FGF19: variants seen among roughly 807,000 people sequenced by gnomAD.
FGF19 encodes the protein fibroblast growth factor 19, also known as FGF-19.
Under a neutral mutation model 8.9 loss-of-function variants are expected in FGF19, and 5 were observed. The ratio of observed to expected loss-of-function variants is 0.56; its 90% CI spans 0.29 to 1.18. The LOEUF is 1.18. Ranked by LOEUF, FGF19 falls within the 50% of genes most tolerant of loss-of-function variation. The pLI is 0.08. For missense variants in FGF19, 237 were observed against 293.9 expected (o/e 0.81, Z 1.42); for synonymous variants, 124 against 128.0 (o/e 0.97, Z 0.21).
rs1297494219 is a variant in FGF19, at chr11:69,699,084, T to C, written c.*178A>G. 10 of 595,578 alleles carry C rather than the reference T, an allele frequency of 1.7e-5. No individual in the cohort carries two copies. The highest frequency in any genetic ancestry group is 3.0e-5 in the Non-Finnish European group (10 of 336,808). The allele number at this position is 595,578 out of a possible 1,614,324, so 36.9% of individuals were successfully genotyped here. A position where few individuals can be genotyped will look rare whatever the true frequency, so the allele number is the denominator to read the frequency against. ...GCTTACAATGTTATGATCAGACAAGTCTATTGGCTAGAAACTGGCACTGCC... is the reference window on the plus strand; with the variant it reads ...GCTTACAATGTTATGATCAGACAAGCCTATTGGCTAGAAACTGGCACTGCC... On this transcript the variant is annotated 3_prime_UTR_variant, in exon 3 of 3. Transcript: ENST00000294312.
At chr11:69,700,390 G>A (rs866912882) in intron 2 of FGF19, among the ~76,000 whole-genome samples, 2 of 151,648 alleles carry the variant, frequency 1.3e-5, no homozygotes, top group East Asian at 1.9e-4. Flanking sequence ...TCACTTTTTC[G>A]AGAGCCTTGT....
chr11:69,701,493 C>T (rs909871687), intron 2 of FGF19, among the ~76,000 whole-genome samples: 3 of 149,486 alleles, frequency 2.0e-5, no homozygotes, highest in African/African-American at 7.4e-5. Flanking sequence ...ATCCCAGCTA[C>T]TTGGGAGGCT....
rs547302229 is a variant in FGF19, at chr11:69,702,183, C to G, written c.336+1078G>C. Among the ~76,000 whole-genome samples, 279 of 152,190 alleles carry G rather than the reference C, an allele frequency of 1.8e-3. 1 individual carries two copies. The highest frequency in any genetic ancestry group is 6.3e-3 in the African/African-American group (260 of 41,522). ...AGTCAGCGTCCAGCGTGCCGACCAC[C>G]CCCTTTCTCTGCAGTCCTCTCACGC... is the stretch of plus-strand genomic sequence containing the variant. On this transcript the variant is annotated intron_variant, in intron 2 of 2. Transcript: ENST00000294312. This position sits in a 1 kb window ranked among gnomAD's most constrained non-coding sequence, Gnocchi z 4.6.
At position 69,699,021 on chromosome 11, in the gene FGF19, C is replaced by A; in HGVS notation, c.*241G>T. ...AGCTTGTCCAGCAACCTCGAGGGAG[C>A]AGAATGGGGGCCCAGGCAGCAGCTG... On this transcript the variant is annotated 3_prime_UTR_variant, in exon 3 of 3. Transcript: ENST00000294312. 2.0e-6 allele frequency: 1 copy of A among 509,912 alleles called. No homozygotes were observed. 31.6% of individuals were successfully genotyped at this position (509,912 alleles called of 1,614,324 possible). A position where few individuals can be genotyped will look rare whatever the true frequency, so the allele number is the denominator to read the frequency against.
Position 69,698,259 on chromosome 11 carries a change from T to C in FGF19, c.*1003A>G, listed in dbSNP as rs2119902318. 1 of 168,654 alleles carries C rather than the reference T, an allele frequency of 5.9e-6. No homozygotes were observed. Among genetic ancestry groups the C allele is most frequent in the South Asian group, 2.0e-4 (1 of 4,936 alleles). The allele number at this position is 168,654 out of a possible 1,614,324, so 10.4% of individuals were successfully genotyped here. On this transcript the variant is annotated 3_prime_UTR_variant, in exon 3 of 3. Coordinates refer to ENST00000294312, the MANE Select transcript of FGF19 (RefSeq NM_005117.3). ...TTGATACAAACAAACTCCATTTTAA[T>C]ATACAAAACAAACCTCACTTACATA...
chr11:69,699,629 G>C, intron 2 of FGF19, 53 bp from the exon 3 acceptor site: 1 of 1,434,632 alleles, frequency 7.0e-7, no homozygotes, highest in Non-Finnish European at 9.4e-7. Context: ...GGGAACACGG[G>C]TCCACATGGA....
chr11:69,703,888 G>A lies in FGF19; in HGVS notation c.-12C>T, dbSNP rs1854809244. On this transcript the variant is annotated 5_prime_UTR_variant, in exon 1 of 3. Transcript: ENST00000294312. The surrounding 1 kb of genome is among the most constrained non-coding windows in gnomAD (Gnocchi z 6.8). ...CACCCGCTCCGCATGGCACCTCCCT[G>A]GGGCTCTCGGCGCAGCTCCGGCGAT... The A allele has an allele frequency of 6.4e-6, 8 of 1,247,978 alleles. No individual in the cohort carries two copies. Among genetic ancestry groups the A allele is most frequent in the Admixed American group, 4.2e-5 (1 of 23,976 alleles). The allele number at this position is 1,247,978 out of a possible 1,614,324, so 77.3% of individuals were successfully genotyped here.
Position 69,703,404 on chromosome 11 carries a change from T to G in FGF19, c.233-40A>C. The G allele has an allele frequency of 6.7e-7, 1 of 1,495,228 alleles. No individual in the cohort carries two copies. Among genetic ancestry groups the G allele is most frequent in the Non-Finnish European group, 9.2e-7 (1 of 1,092,452 alleles). 92.6% of individuals were successfully genotyped at this position (1,495,228 alleles called of 1,614,324 possible). ...AGCGAGAAGCTGCAGCAAGGACCGC[T>G]GGGCCCGCACCACGTGGGTGCGGTC... On this transcript the variant is annotated intron_variant, in intron 1 of 2. Transcript: ENST00000294312. The surrounding 1 kb of genome is among the most constrained non-coding windows in gnomAD (Gnocchi z 6.8).
In FGF19 at chr11:69,699,380, T is replaced by C; in HGVS notation, c.533A>G (p.Asp178Gly). 2 of 1,614,004 alleles carry C rather than the reference T, an allele frequency of 1.2e-6. No homozygotes were observed. The highest frequency in any genetic ancestry group is 4.5e-5 in the East Asian group (2 of 44,864). ...MLPMVPEEPE[D>G]LRGHLESDMF... ...GTCAGATTCCAAGTGGCCCCTGAGG[T>C]CCTCAGGCTCCTCTGGGACCATGGG... Residue 178 changes from aspartate (D) to glycine (G), a missense_variant, in exon 3 of 3, where the codon GAC becomes GGC. Physicochemically the swap from Asp to Gly is moderately conservative, Grantham distance 94 (BLOSUM62 -1). Coordinates refer to ENST00000294312, the MANE Select transcript of FGF19 (RefSeq NM_005117.3).
At position 69,703,309 on chromosome 11, in the gene FGF19, G is replaced by A. The variant is rs753563763; in HGVS notation, c.288C>T (p.His96=). 11 of 1,610,766 alleles carry A rather than the reference G, an allele frequency of 6.8e-6. No individual in the cohort carries two copies. In the Admixed American group the frequency reaches 1.8e-4, roughly 27 times the overall value. The change falls in exon 2 of 3, where the codon CAC becomes CAT. Residue 96 remains histidine, a synonymous_variant. Transcript: ENST00000294312. This position sits in a 1 kb window ranked among gnomAD's most constrained non-coding sequence, Gnocchi z 6.8. ...ALRTVAIKGV[H]SVRYLCMGAD... The stretch of plus-strand genomic sequence containing the variant: ...CGCCCATGCAGAGGTACCGCACGCT[G>A]TGCACGCCCTTGATGGCCACGGTCC...
chr11:69,699,612 G>A (rs1480908262), intron 2 of FGF19, 36 bp from the exon 3 acceptor site: 1 of 1,536,174 alleles, frequency 6.5e-7, no homozygotes, highest in Non-Finnish European at 8.8e-7. Context: ...GCAATCCACA[G>A]TGGACAGGGA....
chr11:69,701,506 G>A (rs1854770950), intron 2 of FGF19, among the ~76,000 whole-genome samples: 1 of 151,720 alleles, frequency 6.6e-6, no homozygotes, highest in South Asian at 2.1e-4. Context: ...GGGAGGCTGA[G>A]GCAGGAGAAT....
Position 69,702,190 on chromosome 11 carries a change from C to G in FGF19, c.336+1071G>C, listed in dbSNP as rs957317495. ...GTCCAGCGTGCCGACCACCCCCTTT[C>G]TCTGCAGTCCTCTCACGCAGGACTC... is the stretch of plus-strand genomic sequence containing the variant. On this transcript the variant is annotated intron_variant, in intron 2 of 2. Coordinates refer to ENST00000294312, the MANE Select transcript of FGF19 (RefSeq NM_005117.3). The surrounding 1 kb of genome is among the most constrained non-coding windows in gnomAD (Gnocchi z 4.6). Among the ~76,000 whole-genome samples, 1 of 152,130 alleles carries G rather than the reference C, an allele frequency of 6.6e-6. No individual in the cohort carries two copies. Among genetic ancestry groups the G allele is most frequent in the Non-Finnish European group, 1.5e-5 (1 of 68,024 alleles).
In FGF19 at chr11:69,699,190, T is replaced by C; in HGVS notation, c.*72A>G. On this transcript the variant is annotated 3_prime_UTR_variant, in exon 3 of 3. Coordinates refer to ENST00000294312, the MANE Select transcript of FGF19 (RefSeq NM_005117.3). ...GAACGTGGACTCAGGACTGTTCTTG[T>C]AGAAGCACGTCCCCCACGCTGCAGG... The C allele has an allele frequency of 9.1e-7, 1 of 1,103,610 alleles. No individual in the cohort carries two copies. The highest frequency in any genetic ancestry group is 2.5e-5 in the East Asian group (1 of 40,640). The allele number at this position is 1,103,610 out of a possible 1,614,324, so 68.4% of individuals were successfully genotyped here. A position where few individuals can be genotyped will look rare whatever the true frequency, so the allele number is the denominator to read the frequency against.
chr11:69,699,828 G>A (rs1274359934), intron 2 of FGF19, among the ~76,000 whole-genome samples: 2 of 152,160 alleles, frequency 1.3e-5, no homozygotes, highest in African/African-American at 2.4e-5. Flanking sequence ...GGTCACACCT[G>A]TAGTCCCAGC....
At position 69,698,966 on chromosome 11, in the gene FGF19, G is replaced by C. The variant is rs957430920; in HGVS notation, c.*296C>G. On this transcript the variant is annotated 3_prime_UTR_variant, in exon 3 of 3. Transcript: ENST00000294312. ...AGGAAGTGAGTTCCCCATCGATGGA[G>C]GTATTCAAGCAGAACTGAGACAGTG... 3.1e-6 allele frequency: 1 copy of C among 327,856 alleles called. No homozygotes were observed. The highest frequency in any genetic ancestry group is 5.6e-6 in the Non-Finnish European group (1 of 178,928). The allele number at this position is 327,856 out of a possible 1,614,324, so 20.3% of individuals were successfully genotyped here.
chr11:69,701,651 C>T (rs911070429), intron 2 of FGF19, among the ~76,000 whole-genome samples: 1 of 148,744 alleles, frequency 6.7e-6, no homozygotes, highest in Non-Finnish European at 1.5e-5. Context: ...TCTGTTAGAC[C>T]ATGCACAGGG....
chr11:69,700,126 T>TAC (rs1854752483), intron 2 of FGF19, among the ~76,000 whole-genome samples: 2 of 151,874 alleles, frequency 1.3e-5, no homozygotes, highest in South Asian at 2.1e-4. Context: ...ACTATATATA[T>TAC]ACACAGAGAA....
chr11:69,703,887 TG>T lies in FGF19; in HGVS notation c.-12del. 8.0e-7 allele frequency: 1 copy of T among 1,247,822 alleles called. No individual in the cohort carries two copies. Among genetic ancestry groups the T allele is most frequent in the Non-Finnish European group, 1.0e-6 (1 of 996,834 alleles). The allele number at this position is 1,247,822 out of a possible 1,614,324, so 77.3% of individuals were successfully genotyped here. On this transcript the variant is annotated 5_prime_UTR_variant, in exon 1 of 3. Coordinates refer to ENST00000294312, the MANE Select transcript of FGF19 (RefSeq NM_005117.3). This position sits in a 1 kb window ranked among gnomAD's most constrained non-coding sequence, Gnocchi z 6.8. ...ACACCCGCTCCGCATGGCACCTCCCTGGGGCTCTCGGCGCAGCTCCGGCGAT... is the reference window on the plus strand; with the variant it reads ...ACACCCGCTCCGCATGGCACCTCCCTGGGCTCTCGGCGCAGCTCCGGCGAT...
Sources: gnomAD v4.1 joint callset for allele counts (sites outside exome capture counted in the v4.1 genomes callset) on GRCh38, gnomAD v4.1.1 for gene constraint, Gnocchi (gnomAD v3.1) non-coding constraint, MANE v1.5 for transcripts, NCBI Gene and HGNC (gene_info 2026-07-23, HGNC 2026-07-21) for gene names.